The following LRIG1 variants were observed in gnomAD, a reference collection of about 807,000 sequenced individuals.
LRIG1 encodes the protein leucine rich repeats and immunoglobulin like domains 1.
A neutral mutation model predicts 99.2 loss-of-function variants in LRIG1; 48 were observed. The ratio of observed to expected loss-of-function variants is 0.48; its 90% CI spans 0.38 to 0.62. LRIG1 has a LOEUF of 0.62. Ranked by LOEUF, LRIG1 falls within the 20% of genes least tolerant of loss-of-function variation. The pLI is 0.00. For missense variants in LRIG1, 1,646 were observed against 1,434.4 expected (o/e 1.15, Z -2.38); for synonymous variants, 772 against 596.1 (o/e 1.29, Z -4.30).
intron 12 of LRIG1, among the ~76,000 whole-genome samples, chr3:66,391,856 T>TAC (rs1701633357): frequency 6.6e-6 from 1 of 152,236 alleles, no homozygotes; most frequent in Non-Finnish European, 1.5e-5. Context: ...ATTCAATGGT[T>TAC]TTTAGTATAC....
At chr3:66,466,848 C>T (rs1403676771) in intron 1 of LRIG1, among the ~76,000 whole-genome samples, 1 of 152,186 alleles carries the variant, frequency 6.6e-6, no homozygotes, top group Non-Finnish European at 1.5e-5. Context: ...ATTTCTGCAC[C>T]TTTCAGTAGC....
Position 66,386,093 on chromosome 3 carries a change from G to A in LRIG1, c.1677C>T (p.Thr559=), listed in dbSNP as rs768536302. 4 of 1,614,048 alleles carry A rather than the reference G, an allele frequency of 2.5e-6. No homozygotes were observed. ...HAQDGEVMEY[T]TILHLRQVTF... is the part of the protein sequence containing the mutation. Reference sequence around the variant, plus strand: ...TGACCTGACGGAGGTGCAGGATGGTGGTGTACTCCATCACTTCCCCGTCCT... The same window carrying A: ...TGACCTGACGGAGGTGCAGGATGGTAGTGTACTCCATCACTTCCCCGTCCT... Residue 559 remains threonine (T), a synonymous_variant, in exon 13 of 19, where the codon ACC becomes ACT. Coordinates refer to ENST00000273261, the MANE Select transcript of LRIG1 (RefSeq NM_015541.3).
At chr3:66,392,516 AAGG>A (rs2107963493) in intron 12 of LRIG1, among the ~76,000 whole-genome samples, 1 of 152,056 alleles carries the variant, frequency 6.6e-6, no homozygotes, top group East Asian at 1.9e-4. Flanking sequence ...GTTTTTAAAA[AAGG>A]AGTGGGAGAC....
At chr3:66,390,217 A>G (rs1025287488) in intron 12 of LRIG1, among the ~76,000 whole-genome samples, 1 of 152,172 alleles carries the variant, frequency 6.6e-6, no homozygotes, top group African/African-American at 2.4e-5. Flanking sequence ...ATATAAAGAA[A>G]ATCCTAAGAA....
intron 1 of LRIG1, among the ~76,000 whole-genome samples, chr3:66,497,512 C>T (rs1701253618): frequency 6.6e-6 from 1 of 151,968 alleles, no homozygotes; most frequent in Non-Finnish European, 1.5e-5. Context: ...GGCTGGGAGA[C>T]TTAAATTATG....
intron 5 of LRIG1, among the ~76,000 whole-genome samples, chr3:66,414,374 G>C (rs907133862): frequency 4.0e-5 from 6 of 151,652 alleles, no homozygotes; most frequent in South Asian, 4.2e-4. Flanking sequence ...CCCACCTGGG[G>C]GACAGAGCGA....
rs910188744 is a variant in LRIG1 at position 66,425,740 on chromosome 3, G to A, written c.366-8474C>T. On this transcript the variant is annotated intron_variant, in intron 3 of 18. Coordinates refer to ENST00000273261, the MANE Select transcript of LRIG1 (RefSeq NM_015541.3). The stretch of plus-strand genomic sequence containing the variant: ...GTGGTGGCCAGGTCACGTGGCATTC[G>A]CCTCCATCCACAGTGTCAGTTTACC... 7.2e-5 allele frequency among the ~76,000 whole-genome samples: 11 copies of A among 152,318 alleles called. No homozygotes were observed. The South Asian group carries it at 1.0e-3, about 14-fold the overall frequency.
chr3:66,385,863 G>A, intron 13 of LRIG1, 118 bp downstream of exon 13: 3 of 935,428 alleles, frequency 3.2e-6, no homozygotes, highest in Non-Finnish European at 4.9e-6. Flanking sequence ...ATTTAACAGT[G>A]CCCCACAGAA....
intron 18 of LRIG1, 27 bp from the exon 19 acceptor site, chr3:66,380,516 ACC>A: frequency 6.2e-7 from 1 of 1,613,888 alleles, no homozygotes; most frequent in South Asian, 1.1e-5. Flanking sequence ...AACCTGTCAG[ACC>A]CCCACTTGAC....
intron 2 of LRIG1, among the ~76,000 whole-genome samples, chr3:66,455,222 G>T (rs1033208549): frequency 6.6e-6 from 1 of 152,192 alleles, no homozygotes; most frequent in Non-Finnish European, 1.5e-5. Context: ...TGAGATTACA[G>T]GCGTGAGCCA....
At chr3:66,483,240 A>G (rs2106901634) in intron 1 of LRIG1, among the ~76,000 whole-genome samples, 1 of 152,320 alleles carries the variant, frequency 6.6e-6, no homozygotes, top group South Asian at 2.1e-4. Context: ...CATGCCTGGG[A>G]GACTGCCCAG....
intron 3 of LRIG1, among the ~76,000 whole-genome samples, chr3:66,429,785 TGG>T (rs1311712081): frequency 1.0e-4 from 14 of 133,896 alleles, no homozygotes; most frequent in Admixed American, 8.9e-4. Context: ...GGAAACAGGG[TGG>T]GTGTGTGTGT....
intron 6 of LRIG1, among the ~76,000 whole-genome samples, chr3:66,410,740 C>G (rs1184538385): frequency 6.6e-6 from 1 of 152,196 alleles, no homozygotes; most frequent in Non-Finnish European, 1.5e-5. Context: ...AAGGGCAAAG[C>G]CCATTAAAGG....
At chr3:66,414,077 TA>T (rs1361236198) in intron 5 of LRIG1, among the ~76,000 whole-genome samples, 2 of 152,066 alleles carry the variant, frequency 1.3e-5, no homozygotes, top group Admixed American at 6.5e-5. Context: ...CTTCCATCAG[TA>T]AACTAAACAA....
In LRIG1 at chr3:66,380,375, ACAAG is replaced by A. The variant is rs1222635806; in HGVS notation, c.3166_3169del (p.Leu1056PhefsTer19). ...TGCTTTGGGGAGGTGGCCATTGGAA[ACAAG>A]CAAGTACTGGGCTTCCGCGCGCTCT... is the stretch of plus-strand genomic sequence containing the variant. On this transcript the variant is annotated frameshift_variant, in exon 19 of 19. Coordinates refer to ENST00000273261, the MANE Select transcript of LRIG1 (RefSeq NM_015541.3). LOFTEE classifies it high-confidence loss of function. 3 of 1,614,068 alleles carry A rather than the reference ACAAG, an allele frequency of 1.9e-6. No homozygotes were observed. Among genetic ancestry groups the A allele is most frequent in the Non-Finnish European group, 2.5e-6 (3 of 1,180,032 alleles).
At chr3:66,414,353 C>T (rs1039971816) in intron 5 of LRIG1, among the ~76,000 whole-genome samples, 6 of 151,832 alleles carry the variant, frequency 4.0e-5, no homozygotes, top group South Asian at 2.1e-4. Flanking sequence ...GCTGAGATCA[C>T]ACCACTGCAC....
At chr3:66,456,795 C>T (rs917614802) in intron 2 of LRIG1, among the ~76,000 whole-genome samples, 1 of 152,184 alleles carries the variant, frequency 6.6e-6, no homozygotes, top group Non-Finnish European at 1.5e-5. Flanking sequence ...AGGTCAGTGG[C>T]CCTGGCAAGC....
At position 66,406,253 on chromosome 3, in the gene LRIG1, G is replaced by A. The variant is rs1264632227; in HGVS notation, c.1080-975C>T. On this transcript the variant is annotated intron_variant, in intron 8 of 18. Transcript: ENST00000273261. Reference sequence around the variant, plus strand: ...TGGAAGGGACTTCTCCTCTCAATGGGTTCCTTCCTATCATCTGCATACTGA... The same window carrying A: ...TGGAAGGGACTTCTCCTCTCAATGGATTCCTTCCTATCATCTGCATACTGA... The A allele has an allele frequency of 3.0e-6, 3 of 985,464 alleles. No individual in the cohort carries two copies. The East Asian group carries it at 3.4e-4, about 112-fold the overall frequency. The allele number at this position is 985,464 out of a possible 1,614,324, so 61.0% of individuals were successfully genotyped here.
chr3:66,474,405 G>A (rs1466659876), intron 1 of LRIG1, among the ~76,000 whole-genome samples: 4 of 151,112 alleles, frequency 2.6e-5, no homozygotes, highest in African/African-American at 9.8e-5. Context: ...GAGTGCAATG[G>A]TGTGATCTCA....
Sources: allele counts gnomAD v4.1 joint callset (sites outside exome capture counted in the v4.1 genomes callset), GRCh38; gene constraint gnomAD v4.1.1; transcripts MANE v1.5; gene names NCBI Gene and HGNC (gene_info 2026-07-23, HGNC 2026-07-21).